The following FEM1B variants were observed in gnomAD, a reference collection of about 807,000 sequenced individuals.
The protein encoded by FEM1B is fem-1 homolog B.
A neutral mutation model predicts 38.6 loss-of-function variants in FEM1B; 10 were observed. The observed-to-expected ratio is 0.26, with a 90% confidence interval of 0.16 to 0.44. The LOEUF is 0.44. Among genes scored for constraint, FEM1B ranks in the 20% least tolerant of loss-of-function variants. The pLI is 1.00. For missense variants in FEM1B, 471 were observed against 786.7 expected, an observed-to-expected ratio of 0.60 and a Z score of 4.80; for synonymous variants, 288 against 288.0, an observed-to-expected ratio of 1.00 and a Z score of 0.00.
chr15:68,283,226 CTT>C (rs1248849301), intron 1 of FEM1B, among the ~76,000 whole-genome samples: 6 of 151,972 alleles, frequency 3.9e-5, no homozygotes, highest in Non-Finnish European at 8.8e-5. Context: ...CTTTTTGTCT[CTT>C]TTCATCTCTA....
At position 68,281,641 on chromosome 15, in the gene FEM1B, G is replaced by C. The variant is rs572548429; in HGVS notation, c.248+2976G>C. On this transcript the variant is annotated intron_variant, in intron 1 of 1. Transcript: ENST00000306917. The surrounding 1 kb of genome is among the most constrained non-coding windows in gnomAD (Gnocchi z 5.1). ...CTTGTTCACTTTTTTTTTTTGAGACGGAGTCTCGCTCTGTCGCCGGGGCTG... is the reference window on the plus strand; with the variant it reads ...CTTGTTCACTTTTTTTTTTTGAGACCGAGTCTCGCTCTGTCGCCGGGGCTG... Among the ~76,000 whole-genome samples the C allele has an allele frequency of 6.6e-6, 1 of 151,564 alleles. No homozygotes were observed. The highest frequency in any genetic ancestry group is 1.5e-5 in the Non-Finnish European group (1 of 67,952).
In FEM1B at chr15:68,281,836, G is replaced by A. The variant is rs139115473; in HGVS notation, c.248+3171G>A. ...TCACCGTGTTAGCCAGGATGGTCTC[G>A]ATCTCCTGACCTCGTGATCCGCATG... On this transcript the variant is annotated intron_variant, in intron 1 of 1. Coordinates refer to ENST00000306917, the MANE Select transcript of FEM1B (RefSeq NM_015322.5). The surrounding 1 kb of genome is among the most constrained non-coding windows in gnomAD (Gnocchi z 5.1). Among the ~76,000 whole-genome samples, 1 of 152,238 alleles carries A rather than the reference G, an allele frequency of 6.6e-6. No homozygotes were observed. The highest frequency in any genetic ancestry group is 1.5e-5 in the Non-Finnish European group (1 of 68,006).
In FEM1B at chr15:68,294,485, A is replaced by AAATT. The variant is rs1240316868; in HGVS notation, c.*3246_*3249dup. On this transcript the variant is annotated 3_prime_UTR_variant, in exon 2 of 2. Coordinates refer to ENST00000306917, the MANE Select transcript of FEM1B (RefSeq NM_015322.5). The surrounding 1 kb of genome is among the most constrained non-coding windows in gnomAD (Gnocchi z 4.4). The stretch of plus-strand genomic sequence containing the variant: ...CAACTCTGTTTGACAAATGTTTTGA[A>AAATT]AATTAAAATTTCAAGTGAGCAACAC... The AAATT allele has an allele frequency of 1.3e-5, 2 of 152,196 alleles. No homozygotes were observed. The highest frequency in any genetic ancestry group is 4.8e-5 in the African/African-American group (2 of 41,456). The allele number at this position is 152,196 out of a possible 1,614,324, so 9.4% of individuals were successfully genotyped here. A position where few individuals can be genotyped will look rare whatever the true frequency, so the allele number is the denominator to read the frequency against.
At position 68,281,774 on chromosome 15, in the gene FEM1B, T is replaced by C. The variant is rs547119848; in HGVS notation, c.248+3109T>C. Among the ~76,000 whole-genome samples, 279 of 152,102 alleles carry C rather than the reference T, an allele frequency of 1.8e-3. 2 individuals are homozygous for C. Among genetic ancestry groups the C allele is most frequent in the African/African-American group, 6.6e-3 (272 of 41,390 alleles). On this transcript the variant is annotated intron_variant, in intron 1 of 1. Coordinates refer to ENST00000306917, the MANE Select transcript of FEM1B (RefSeq NM_015322.5). This position sits in a 1 kb window ranked among gnomAD's most constrained non-coding sequence, Gnocchi z 5.1. ...CTGGGACTACAGGTGCCCACAACCA[T>C]GCCTGGCTATTTTTTGTATTTTTAG... is the stretch of plus-strand genomic sequence containing the variant.
chr15:68,279,834 T>A (rs971918256), intron 1 of FEM1B: 1 of 152,240 alleles, frequency 6.6e-6, no homozygotes, highest in African/African-American at 2.4e-5. Context: ...GGCAATGGCT[T>A]ATATCACGGG....
In FEM1B at chr15:68,290,915, G is replaced by C. The variant is rs1315480437; in HGVS notation, c.1557G>C (p.Leu519=). ...FPNALVTKLL[L]DCGAEVNAVD... ...ATGCACTTGTCACAAAGCTCCTGCT[G>C]GACTGTGGTGCTGAGGTGAATGCCG... The change falls in exon 2 of 2, where the codon CTG becomes CTC. Residue 519 remains leucine (L), a synonymous_variant. Coordinates refer to ENST00000306917, the MANE Select transcript of FEM1B (RefSeq NM_015322.5). The surrounding 1 kb of genome is among the most constrained non-coding windows in gnomAD (Gnocchi z 9.7). The C allele has an allele frequency of 6.2e-7, 1 of 1,614,008 alleles. No individual in the cohort carries two copies. Among genetic ancestry groups the C allele is most frequent in the Non-Finnish European group, 8.5e-7 (1 of 1,180,020 alleles).
In FEM1B at chr15:68,278,248, C is replaced by T; in HGVS notation, c.-170C>T. The T allele has an allele frequency of 3.4e-6, 3 of 882,836 alleles. No individual in the cohort carries two copies. Among genetic ancestry groups the T allele is most frequent in the Non-Finnish European group, 3.3e-6 (2 of 600,056 alleles). 54.7% of individuals were successfully genotyped at this position (882,836 alleles called of 1,614,324 possible). Reference sequence around the variant, plus strand: ...CCTTCGCGGCACTCGGCCTCCTCTGCGTCTCCGCCTTCCCTGGGCCGCACT... The same window carrying T: ...CCTTCGCGGCACTCGGCCTCCTCTGTGTCTCCGCCTTCCCTGGGCCGCACT... On this transcript the variant is annotated 5_prime_UTR_variant, in exon 1 of 2. Coordinates refer to ENST00000306917, the MANE Select transcript of FEM1B (RefSeq NM_015322.5). This position sits in a 1 kb window ranked among gnomAD's most constrained non-coding sequence, Gnocchi z 5.7.
chr15:68,289,455 T>C lies in FEM1B; in HGVS notation c.249-152T>C, dbSNP rs2140245495. 2 of 622,018 alleles carry C rather than the reference T, an allele frequency of 3.2e-6. No homozygotes were observed. Among genetic ancestry groups the C allele is most frequent in the East Asian group, 5.5e-5 (2 of 36,620 alleles). The allele number at this position is 622,018 out of a possible 1,614,324, so 38.5% of individuals were successfully genotyped here. On this transcript the variant is annotated intron_variant, in intron 1 of 1. Coordinates refer to ENST00000306917, the MANE Select transcript of FEM1B (RefSeq NM_015322.5). The surrounding 1 kb of genome is among the most constrained non-coding windows in gnomAD (Gnocchi z 6.9). ...GGTACAAGTACTATGCAAAGTGCTT[T>C]CCTTAAATTACCTGTTTTTATTTTC...
In FEM1B at chr15:68,292,267, C is replaced by A. The variant is rs2140246778; in HGVS notation, c.*1025C>A. On this transcript the variant is annotated 3_prime_UTR_variant, in exon 2 of 2. Coordinates refer to ENST00000306917, the MANE Select transcript of FEM1B (RefSeq NM_015322.5). ...TCTGTGACAAGAAGTAGAAATATCA[C>A]TAGTGTGGTATAGGAACTTACATGT... 6.6e-6 allele frequency: 1 copy of A among 152,252 alleles called. No homozygotes were observed. The highest frequency in any genetic ancestry group is 1.9e-4 in the East Asian group (1 of 5,194). 9.4% of individuals were successfully genotyped at this position (152,252 alleles called of 1,614,324 possible). A position where few individuals can be genotyped will look rare whatever the true frequency, so the allele number is the denominator to read the frequency against.
In FEM1B at chr15:68,292,515, A is replaced by G. The variant is rs1357271166; in HGVS notation, c.*1273A>G. The G allele has an allele frequency of 6.6e-6, 1 of 152,104 alleles. No homozygotes were observed. The highest frequency in any genetic ancestry group is 1.5e-5 in the Non-Finnish European group (1 of 67,990). 9.4% of individuals were successfully genotyped at this position (152,104 alleles called of 1,614,324 possible). A position where few individuals can be genotyped will look rare whatever the true frequency, so the allele number is the denominator to read the frequency against. On this transcript the variant is annotated 3_prime_UTR_variant, in exon 2 of 2. Transcript: ENST00000306917. ...AAATTCAAGTGAAAGTTATATGCTT[A>G]TTTCTATTGATGTTAAAAATGATAA...
rs149652183 is a variant in FEM1B at position 68,291,110 on chromosome 15, A to G, written c.1752A>G (p.Val584=). 299 of 1,614,050 alleles carry G rather than the reference A, an allele frequency of 1.9e-4. No individual in the cohort carries two copies. The highest frequency in any genetic ancestry group is 2.3e-4 in the Non-Finnish European group (276 of 1,180,006). The change falls in exon 2 of 2, where the codon GTA becomes GTG. Residue 584 remains valine, a synonymous_variant. Coordinates refer to ENST00000306917, the MANE Select transcript of FEM1B (RefSeq NM_015322.5). The surrounding 1 kb of genome is among the most constrained non-coding windows in gnomAD (Gnocchi z 6.9). ...KTPLDKSTTG[V]SEILLKTQMK... is the part of the protein sequence containing the mutation. ...CGCTAGACAAAAGTACAACTGGGGT[A>G]TCTGAAATACTGCTTAAAACTCAAA...
chr15:68,278,699 C>G lies in FEM1B; in HGVS notation c.248+34C>G. On this transcript the variant is annotated intron_variant, in intron 1 of 1. Coordinates refer to ENST00000306917, the MANE Select transcript of FEM1B (RefSeq NM_015322.5). The surrounding 1 kb of genome is among the most constrained non-coding windows in gnomAD (Gnocchi z 5.7). ...ATCCCAAGCCAGCCTCTCTCCGACG[C>G]GCGCGGACTCGTTAATTCACGGGCC... The G allele has an allele frequency of 6.2e-7, 1 of 1,609,758 alleles. No homozygotes were observed. Among genetic ancestry groups the G allele is most frequent in the Non-Finnish European group, 8.5e-7 (1 of 1,176,578 alleles).
rs1448486378 is a variant in FEM1B, at chr15:68,295,130, G to A, written c.*3888G>A. ...ATTTTTAAAACTGTAAAGTAAATGTGGTCTCTAGGTTTGTGGTGTGTACCT... is the reference window on the plus strand; with the variant it reads ...ATTTTTAAAACTGTAAAGTAAATGTAGTCTCTAGGTTTGTGGTGTGTACCT... On this transcript the variant is annotated 3_prime_UTR_variant, in exon 2 of 2. Transcript: ENST00000306917. 6.6e-6 allele frequency: 1 copy of A among 152,174 alleles called. No homozygotes were observed. Among genetic ancestry groups the A allele is most frequent in the Non-Finnish European group, 1.5e-5 (1 of 68,028 alleles). The allele number at this position is 152,174 out of a possible 1,614,324, so 9.4% of individuals were successfully genotyped here.
In FEM1B at chr15:68,290,786, C is replaced by T. The variant is rs1215687318; in HGVS notation, c.1428C>T (p.His476=). Residue 476 remains histidine (H), a synonymous_variant, in exon 2 of 2, where the codon CAC becomes CAT. Transcript: ENST00000306917. The surrounding 1 kb of genome is among the most constrained non-coding windows in gnomAD (Gnocchi z 9.7). The part of the protein sequence containing the change: ...KINKQIYNLI[H]LDPRTREGFT... ...ACAAGCAGATCTACAACCTGATTCA[C>T]CTTGATCCCAGAACTCGTGAAGGTT... The T allele has an allele frequency of 6.2e-7, 1 of 1,614,102 alleles. No homozygotes were observed. The highest frequency in any genetic ancestry group is 8.5e-7 in the Non-Finnish European group (1 of 1,179,958).
rs1892846503 is a variant in FEM1B, at chr15:68,291,415, A to T, written c.*173A>T. 3.6e-6 allele frequency: 2 copies of T among 556,612 alleles called. No homozygotes were observed. The highest frequency in any genetic ancestry group is 3.8e-5 in the African/African-American group (2 of 52,580). 34.5% of individuals were successfully genotyped at this position (556,612 alleles called of 1,614,324 possible). A position where few individuals can be genotyped will look rare whatever the true frequency, so the allele number is the denominator to read the frequency against. ...TTCTTGCCTCATGGTAATTGATTTC[A>T]GACAGACTTTAACAAAACCACATTG... is the stretch of plus-strand genomic sequence containing the variant. On this transcript the variant is annotated 3_prime_UTR_variant, in exon 2 of 2. Coordinates refer to ENST00000306917, the MANE Select transcript of FEM1B (RefSeq NM_015322.5). The surrounding 1 kb of genome is among the most constrained non-coding windows in gnomAD (Gnocchi z 6.9).
rs1421033774 is a variant in FEM1B at position 68,280,933 on chromosome 15, A to G, written c.248+2268A>G. 6.6e-6 allele frequency among the ~76,000 whole-genome samples: 1 copy of G among 152,206 alleles called. No homozygotes were observed. Among genetic ancestry groups the G allele is most frequent in the Non-Finnish European group, 1.5e-5 (1 of 68,028 alleles). On this transcript the variant is annotated intron_variant, in intron 1 of 1. Coordinates refer to ENST00000306917, the MANE Select transcript of FEM1B (RefSeq NM_015322.5). The surrounding 1 kb of genome is among the most constrained non-coding windows in gnomAD (Gnocchi z 4.2). ...CTGTGTCATGTTCTGGAGGAAATGT[A>G]AGGTACAGGAAATCTAAGGTTTCTA...
intron 1 of FEM1B, among the ~76,000 whole-genome samples, chr15:68,287,043 A>G (rs890757122): frequency 1.2e-4 from 18 of 152,098 alleles, no homozygotes; most frequent in Non-Finnish European, 2.2e-4. Context: ...ATGTGCCACC[A>G]CCACTCCTGG....
rs1357429068 is a variant in FEM1B at position 68,278,765 on chromosome 15, T to A, written c.248+100T>A. 21 of 1,365,756 alleles carry A rather than the reference T, an allele frequency of 1.5e-5. No homozygotes were observed. The African/African-American group carries it at 2.1e-4, about 14-fold the overall frequency. 84.6% of individuals were successfully genotyped at this position (1,365,756 alleles called of 1,614,324 possible). The stretch of plus-strand genomic sequence containing the variant: ...CTCTCTTACCCTCTCTTCATGTAGG[T>A]ACTCACTTCTCCCCTTTTTGTACCA... On this transcript the variant is annotated intron_variant, in intron 1 of 1. Coordinates refer to ENST00000306917, the MANE Select transcript of FEM1B (RefSeq NM_015322.5). The surrounding 1 kb of genome is among the most constrained non-coding windows in gnomAD (Gnocchi z 5.7).
chr15:68,283,530 AAAGG>A (rs1892750735), intron 1 of FEM1B, among the ~76,000 whole-genome samples: 1 of 140,226 alleles, frequency 7.1e-6, no homozygotes. Context: ...AAAAAAAAAA[AAAGG>A]TAGTATGCAG....
Sources: allele counts gnomAD v4.1 joint callset (sites outside exome capture counted in the v4.1 genomes callset), GRCh38; gene constraint gnomAD v4.1.1; non-coding constraint Gnocchi (gnomAD v3.1); transcripts MANE v1.5; gene names NCBI Gene and HGNC (gene_info 2026-07-23, HGNC 2026-07-21).